Variants in NLRC5 observed in about 807,000 individuals in gnomAD.
The protein encoded by NLRC5 is protein NLRC5.
NLRC5 carries 114 observed loss-of-function variants against 206.9 expected under a neutral mutation model. That is an observed-to-expected ratio of 0.55 (90% CI 0.47 to 0.64). NLRC5 has a LOEUF of 0.64. Among genes scored for constraint, NLRC5 ranks in the 30% least tolerant of loss-of-function variants. The pLI is 0.00. For synonymous variants in NLRC5, 952 were observed against 962.8 expected (o/e 0.99, Z 0.21); for missense variants, 2,008 against 2,305.5 (o/e 0.87, Z 2.64).
chr16:56,998,113 T>C (rs2057838103), intron 1 of NLRC5, among the ~76,000 whole-genome samples: 1 of 151,774 alleles, frequency 6.6e-6, no homozygotes, highest in African/African-American at 2.4e-5. Flanking sequence ...TCTGCCAGGA[T>C]GGGAGGGAGC....
At chr16:57,070,459 G>A (rs2067511437) in intron 37 of NLRC5, 76 bp from the exon 38 acceptor site, 1 of 1,297,810 alleles carries the variant, frequency 7.7e-7, no homozygotes, top group Admixed American at 1.7e-5. Context: ...GAGCAGGAGA[G>A]GGGAGCTGAC....
Position 57,082,511 on chromosome 16 carries a change from G to A in NLRC5, c.5584G>A (p.Ala1862Thr). 6.2e-7 allele frequency: 1 copy of A among 1,613,300 alleles called. No individual in the cohort carries two copies. Among genetic ancestry groups the A allele is most frequent in the Non-Finnish European group, 8.5e-7 (1 of 1,179,484 alleles). ...TGCCTTCTTTGACAACCAGCCCCAG[G>A]CCCCTTGGGGTACTTGATGGCCCCC... is the stretch of plus-strand genomic sequence containing the variant. Reference protein sequence around the residue: ...DFAFFDNQPQAPWGT With the variant: ...DFAFFDNQPQTPWGT Residue 1862 changes from alanine (A) to threonine (T), a missense_variant, in exon 49 of 49, where the codon GCC becomes ACC. Physicochemically the swap from Ala to Thr is moderately conservative, Grantham distance 58. Coordinates refer to ENST00000688547, the MANE Select transcript of NLRC5 (RefSeq NM_001384950.1).
chr16:57,065,377 C>A, intron 33 of NLRC5, 79 bp downstream of exon 33: 6 of 1,020,218 alleles, frequency 5.9e-6, no homozygotes, highest in Middle Eastern at 2.2e-4. Context: ...TTCCCTCATC[C>A]TGTGGGGTAA....
intron 19 of NLRC5, among the ~76,000 whole-genome samples, chr16:57,043,219 G>C (rs78053218): frequency 0.061 from 9,302 of 152,218 alleles, 450 homozygotes; most frequent in African/African-American, 0.14. Flanking sequence ...AGGAGGCCCA[G>C]CTCCAGCCAG....
chr16:57,040,847 G>A lies in NLRC5; in HGVS notation c.2939+129G>A, dbSNP rs1391748149. The A allele has an allele frequency of 4.6e-6, 4 of 873,470 alleles. No individual in the cohort carries two copies. In the African/African-American group the frequency reaches 5.0e-5, roughly 11 times the overall value. The allele number at this position is 873,470 out of a possible 1,614,324, so 54.1% of individuals were successfully genotyped here. A position where few individuals can be genotyped will look rare whatever the true frequency, so the allele number is the denominator to read the frequency against. ...GGACACCTGACCTGCTGTGTCCAGG[G>A]GTCATGGCCTGGCTTCCCTACCTCC... On this transcript the variant is annotated intron_variant, in intron 17 of 48. Coordinates refer to ENST00000688547, the MANE Select transcript of NLRC5 (RefSeq NM_001384950.1).
chr16:57,059,131 G>C lies in NLRC5; in HGVS notation c.3920+70G>C, dbSNP rs559485567. 9.9e-6 allele frequency: 16 copies of C among 1,611,312 alleles called. No homozygotes were observed. The South Asian group carries it at 1.6e-4, about 17-fold the overall frequency. On this transcript the variant is annotated intron_variant, in intron 29 of 48. Coordinates refer to ENST00000688547, the MANE Select transcript of NLRC5 (RefSeq NM_001384950.1). ...CAGGTGCCCCTGGCTGATGATGGGA[G>C]AAGCAAGGCACCCACACTTTGTGGC...
chr16:57,008,164 G>C (rs1473880163), intron 1 of NLRC5, among the ~76,000 whole-genome samples: 1 of 152,116 alleles, frequency 6.6e-6, no homozygotes, highest in Non-Finnish European at 1.5e-5. Flanking sequence ...GAGGTGGAAG[G>C]ATTATTTGAG....
intron 1 of NLRC5, among the ~76,000 whole-genome samples, chr16:57,014,841 G>A (rs1241164377): frequency 2.0e-5 from 3 of 152,162 alleles, no homozygotes; most frequent in Admixed American, 6.5e-5. Flanking sequence ...GCGCTTCCTG[G>A]TTTGCAGACG....
intron 4 of NLRC5, among the ~76,000 whole-genome samples, chr16:57,023,149 C>T (rs1300904078): frequency 6.6e-6 from 1 of 152,222 alleles, no homozygotes; most frequent in Non-Finnish European, 1.5e-5. Flanking sequence ...TGTAGGAGGA[C>T]CCTGCTTGAC....
chr16:57,015,996 C>T (rs1335751409), intron 1 of NLRC5, among the ~76,000 whole-genome samples: 1 of 149,868 alleles, frequency 6.7e-6, no homozygotes, highest in African/African-American at 2.5e-5. Flanking sequence ...AGGCAGATCA[C>T]TTGAAGTCAG....
At chr16:57,074,741 G>A (rs2068148967) in intron 39 of NLRC5, 58 bp downstream of exon 39, 4 of 1,529,746 alleles carry the variant, frequency 2.6e-6, no homozygotes, top group Non-Finnish European at 3.6e-6. Context: ...CCACTCAGTT[G>A]GGACCACATC....
chr16:57,036,159 A>G lies in NLRC5; in HGVS notation c.2687A>G (p.Gln896Arg). 1 of 1,613,536 alleles carries G rather than the reference A, an allele frequency of 6.2e-7. No homozygotes were observed. Among genetic ancestry groups the G allele is most frequent in the Non-Finnish European group, 8.5e-7 (1 of 1,179,990 alleles). Residue 896 changes from glutamine to arginine, a missense_variant, in exon 14 of 49, where the codon CAG (glutamine) becomes CGG (arginine). By Grantham distance (43) the Gln-to-Arg change is conservative. Transcript: ENST00000688547. The stretch of plus-strand genomic sequence containing the variant: ...CGGCTGATGGCAGAGGCTGCATCCC[A>G]GCTGCACATCGCCAGGAAGCTGGAG... Reference protein sequence around the residue: ...GCRLMAEAASQLHIARKLDLS... With the variant: ...GCRLMAEAASRLHIARKLDLS...
At chr16:57,054,176 A>T (rs566673021) in intron 24 of NLRC5, among the ~76,000 whole-genome samples, 63 of 152,240 alleles carry the variant, frequency 4.1e-4, no homozygotes, top group African/African-American at 1.4e-3. Context: ...TTTGGTGGTC[A>T]TGACTGCGGG....
chr16:57,081,544 T>G lies in NLRC5; in HGVS notation c.5423T>G (p.Ile1808Ser). The change falls in exon 48 of 49, where the codon ATC (isoleucine) becomes AGC (serine). Residue 1808 changes from isoleucine (I) to serine (S), a missense_variant. Physicochemically the swap from Ile to Ser is moderately radical, Grantham distance 142 (BLOSUM62 -2). Coordinates refer to ENST00000688547, the MANE Select transcript of NLRC5 (RefSeq NM_001384950.1). ...CTGAGAAGCCTGGAGAAGAATCAGA[T>G]CACAGCTTTGGGGGCCTGGCTCCTG... ...LKRVDLEKNQ[I>S]TALGAWLLAE... 6.2e-7 allele frequency: 1 copy of G among 1,614,072 alleles called. No individual in the cohort carries two copies. The highest frequency in any genetic ancestry group is 8.5e-7 in the Non-Finnish European group (1 of 1,179,970).
intron 1 of NLRC5, among the ~76,000 whole-genome samples, chr16:56,999,266 T>C (rs2042680640): frequency 6.6e-6 from 1 of 152,220 alleles, no homozygotes; most frequent in Non-Finnish European, 1.5e-5. Flanking sequence ...AGCACAAATA[T>C]TCAGTCGATC....
At chr16:57,075,256 G>A (rs1401792466) in intron 39 of NLRC5, among the ~76,000 whole-genome samples, 12 of 152,064 alleles carry the variant, frequency 7.9e-5, no homozygotes, top group Non-Finnish European at 1.8e-4. Flanking sequence ...TTTCGCTCTT[G>A]TTGCCCAGGC....
At chr16:57,045,261 T>G in intron 20 of NLRC5, 187 bp from the exon 21 acceptor site, 2 of 597,876 alleles carry the variant, frequency 3.3e-6, no homozygotes, top group Non-Finnish European at 6.0e-6. Context: ...GAGAATCAAA[T>G]GAGAAATGTC....
chr16:57,022,306 C>A lies in NLRC5; in HGVS notation c.346C>A (p.Leu116Ile). 1 of 1,611,788 alleles carries A rather than the reference C, an allele frequency of 6.2e-7. No individual in the cohort carries two copies. ...AEGKSQPESQ[L>I]HHGLKRPHQS... ...GGGGAAAAGCCAACCTGAATCTCAG[C>A]TCCACCATGGTGAGGACTGGAGTTG... Residue 116 changes from leucine (L) to isoleucine (I), a missense_variant, in exon 4 of 49, where the codon CTC (leucine) becomes ATC (isoleucine). Transcript: ENST00000688547.
chr16:57,058,323 C>T (rs1659305434), intron 28 of NLRC5, 175 bp downstream of exon 28: 1 of 598,644 alleles, frequency 1.7e-6, no homozygotes, highest in African/African-American at 1.9e-5. Flanking sequence ...GTCCTTTCCT[C>T]TGTCCCTCAC....
Sources: allele counts gnomAD v4.1 joint callset (sites outside exome capture counted in the v4.1 genomes callset), GRCh38; gene constraint gnomAD v4.1.1; transcripts MANE v1.5; gene names NCBI Gene and HGNC (gene_info 2026-07-23, HGNC 2026-07-21).